RAVER2: variants seen among roughly 807,000 people sequenced by gnomAD.
The protein encoded by RAVER2 is ribonucleoprotein, PTB binding 2.
In RAVER2, 46 loss-of-function variants were observed where a neutral mutation model predicts 78.1. That is an observed-to-expected ratio of 0.59 (90% CI 0.46 to 0.75). The LOEUF (loss-of-function observed/expected upper bound fraction) is 0.75, where lower values mean the gene tolerates loss of function less well. RAVER2 is among the 30% of genes least tolerant of loss of function. The pLI, the probability that RAVER2 is intolerant of heterozygous loss-of-function variation, is 0.00. For missense variants in RAVER2, 793 were observed against 837.5 expected (o/e 0.95, Z 0.66); for synonymous variants, 311 against 313.3 (o/e 0.99, Z 0.08).
chr1:64,803,459 T>C (rs1653326323), intron 6 of RAVER2, among the ~76,000 whole-genome samples: 1 of 152,162 alleles, frequency 6.6e-6, no homozygotes, highest in East Asian at 1.9e-4. Context: ...AAATAACTCA[T>C]GTATATGAGA....
chr1:64,773,769 G>C (rs1292252677), intron 2 of RAVER2, among the ~76,000 whole-genome samples: 1 of 152,172 alleles, frequency 6.6e-6, no homozygotes, highest in South Asian at 2.1e-4. Context: ...GTATTCCACA[G>C]TGGTTGAACT....
At chr1:64,830,082 T>TAAG (rs1188533112) in intron 11 of RAVER2, among the ~76,000 whole-genome samples, 6 of 152,234 alleles carry the variant, frequency 3.9e-5, no homozygotes, top group Non-Finnish European at 8.8e-5. Flanking sequence ...CAGTCATTTC[T>TAAG]AAGTTCTTGC....
chr1:64,819,213 C>T (rs937332997), intron 11 of RAVER2, among the ~76,000 whole-genome samples: 3 of 151,626 alleles, frequency 2.0e-5, no homozygotes, highest in African/African-American at 4.8e-5. Flanking sequence ...TAGACAATAA[C>T]CATAAAACAG....
intron 11 of RAVER2, among the ~76,000 whole-genome samples, chr1:64,825,073 T>C (rs967122185): frequency 6.6e-6 from 1 of 151,922 alleles, no homozygotes; most frequent in Non-Finnish European, 1.5e-5. Flanking sequence ...AATATGAACA[T>C]TGGAAACATT....
chr1:64,824,932 C>CAAAAAAAA lies in RAVER2; in HGVS notation c.1930-5887_1930-5880dup, dbSNP rs56179197. Among the ~76,000 whole-genome samples, 356 of 79,370 alleles carry CAAAAAAAA rather than the reference C, an allele frequency of 4.5e-3. 31 individuals carry two copies. Among genetic ancestry groups the CAAAAAAAA allele is most frequent in the African/African-American group, 0.024 (310 of 12,866 alleles). The allele number at this position is 79,370 out of a possible 152,430, so 52.1% of individuals were successfully genotyped here. ...GGCAACAGAGCGAGACCCTGTCTCC[C>CAAAAAAAA]AAAAAAAAAAAAAAAAAAAAAAAAA... is the stretch of plus-strand genomic sequence containing the variant. On this transcript the variant is annotated intron_variant, in intron 11 of 11. Coordinates refer to ENST00000294428, the Ensembl canonical transcript of RAVER2.
chr1:64,747,269 G>A (rs1651565137), intron 1 of RAVER2, among the ~76,000 whole-genome samples: 2 of 152,008 alleles, frequency 1.3e-5, no homozygotes, highest in Non-Finnish European at 2.9e-5. Flanking sequence ...TAATTATAAT[G>A]TCTGCTTTTT....
chr1:64,797,150 C>T (rs1204664595), intron 5 of RAVER2, among the ~76,000 whole-genome samples: 1 of 152,092 alleles, frequency 6.6e-6, no homozygotes, highest in East Asian at 1.9e-4. Flanking sequence ...TGCAAATAGT[C>T]CATGGACACT....
chr1:64,761,282 A>T (rs1652011770), intron 1 of RAVER2, among the ~76,000 whole-genome samples: 1 of 152,228 alleles, frequency 6.6e-6, no homozygotes, highest in East Asian at 1.9e-4. Context: ...TAAAATTGAT[A>T]CCACATCCAC....
Position 64,812,854 on chromosome 1 carries a change from G to GT in RAVER2, c.1792+6dup. The GT allele has an allele frequency of 6.4e-7, 1 of 1,564,648 alleles. No homozygotes were observed. Among genetic ancestry groups the GT allele is most frequent in the South Asian group, 1.2e-5 (1 of 85,756 alleles). ...TGCCCAGTGTGTGCTTATCATGTAAGTAGGGGCTCAGTATTCTTGTTGTGG... is the reference window on the plus strand; with the variant it reads ...TGCCCAGTGTGTGCTTATCATGTAAGTTAGGGGCTCAGTATTCTTGTTGTGG... On this transcript the variant is annotated splice_donor_region_variant and intron_variant, in intron 10 of 11. Transcript: ENST00000294428.
At chr1:64,805,038 A>T in exon 8 of RAVER2, 1 of 1,614,034 alleles carries the variant, frequency 6.2e-7, no homozygotes, top group East Asian at 2.2e-5. Flanking sequence ...TTCAGACTGC[A>T]CTAGGGATAG....
intron 1 of RAVER2, among the ~76,000 whole-genome samples, chr1:64,755,724 G>GTTTTTTTTTTTTTTTTT (rs753375050): frequency 8.2e-5 from 5 of 60,634 alleles, no homozygotes; most frequent in African/African-American, 2.9e-4. Context: ...ATGCTTCATA[G>GTTTTTTTTTTTTTTTTT]TTTTTTTTTT....
chr1:64,772,945 A>G (rs182997053), intron 2 of RAVER2, among the ~76,000 whole-genome samples: 1 of 152,290 alleles, frequency 6.6e-6, no homozygotes, highest in African/African-American at 2.4e-5. Flanking sequence ...GTAAACAGGC[A>G]CAATTAAACT....
At chr1:64,776,299 A>G (rs1652461506) in intron 2 of RAVER2, among the ~76,000 whole-genome samples, 1 of 152,262 alleles carries the variant, frequency 6.6e-6, no homozygotes, top group African/African-American at 2.4e-5. Flanking sequence ...CAGTAAAGCC[A>G]TTTTTTCTCA....
chr1:64,819,336 T>C (rs1426846558), intron 11 of RAVER2, among the ~76,000 whole-genome samples: 1 of 151,922 alleles, frequency 6.6e-6, no homozygotes, highest in African/African-American at 2.4e-5. Flanking sequence ...CTGAAAACTA[T>C]AGTATCTGAA....
chr1:64,779,736 G>A (rs1381803753), intron 3 of RAVER2, among the ~76,000 whole-genome samples: 4 of 151,538 alleles, frequency 2.6e-5, no homozygotes, highest in African/African-American at 9.7e-5. Context: ...TGAAGCAGAT[G>A]CGAAGAGAAA....
intron 1 of RAVER2, among the ~76,000 whole-genome samples, chr1:64,766,117 C>T (rs1030267693): frequency 8.5e-5 from 13 of 152,134 alleles, no homozygotes; most frequent in Non-Finnish European, 1.9e-4. Context: ...CAGCAGGTGA[C>T]ACTGAATCTG....
At chr1:64,817,581 G>C (rs1653784827) in intron 11 of RAVER2, among the ~76,000 whole-genome samples, 1 of 152,052 alleles carries the variant, frequency 6.6e-6, no homozygotes, top group East Asian at 1.9e-4. Flanking sequence ...CCATAAAAAA[G>C]GATGAGCTCA....
intron 1 of RAVER2, among the ~76,000 whole-genome samples, chr1:64,755,584 A>G (rs554355659): frequency 6.6e-6 from 1 of 151,928 alleles, no homozygotes; most frequent in Non-Finnish European, 1.5e-5. Flanking sequence ...ATCTTTCCTC[A>G]ACCCACTGCA....
At chr1:64,824,943 A>AAAAAAAAAAAAAAAAAAAAAAAAAAAT (rs1653974346) in intron 11 of RAVER2, among the ~76,000 whole-genome samples, 1 of 129,706 alleles carries the variant, frequency 7.7e-6, no homozygotes, top group African/African-American at 2.6e-5. Flanking sequence ...AAAAAAAAAA[A>AAAAAAAAAAAAAAAAAAAAAAAAAAAT]AAAAAAAAAA....
Sources: gnomAD v4.1 joint callset for allele counts (sites outside exome capture counted in the v4.1 genomes callset) on GRCh38, gnomAD v4.1.1 for gene constraint, MANE v1.5 for transcripts, NCBI Gene and HGNC (gene_info 2026-07-23, HGNC 2026-07-21) for gene names.